UTP20: variants seen among roughly 807,000 people sequenced by gnomAD.
The protein encoded by UTP20 is UTP20 small subunit processome component, also known as small subunit processome component 20 homolog.
In UTP20, 164 loss-of-function variants were observed where a neutral mutation model predicts 329.5. The observed-to-expected ratio is 0.50, with a 90% CI of 0.44 to 0.57. UTP20 has a LOEUF of 0.57. Ranked by LOEUF, UTP20 falls within the 20% of genes least tolerant of loss-of-function variation. The pLI is 0.00. For synonymous variants in UTP20, 1,151 were observed against 1,159.3 expected (o/e 0.99, Z 0.14); for missense variants, 3,055 against 3,284.2 (o/e 0.93, Z 1.71).
At chr12:101,360,765 G>T (rs1329292184) in intron 43 of UTP20, among the ~76,000 whole-genome samples, 1 of 152,098 alleles carries the variant, frequency 6.6e-6, no homozygotes, top group African/African-American at 2.4e-5. Context: ...GGAGGCAGAG[G>T]TTGCAGTGAG....
intron 25 of UTP20, among the ~76,000 whole-genome samples, chr12:101,323,078 T>C (rs1265214077): frequency 6.6e-6 from 1 of 152,196 alleles, no homozygotes; most frequent in Non-Finnish European, 1.5e-5. Flanking sequence ...ATACAAGTTT[T>C]TGAAAGAAAA....
chr12:101,296,270 C>A (rs1395307778), intron 12 of UTP20, among the ~76,000 whole-genome samples: 3 of 152,116 alleles, frequency 2.0e-5, no homozygotes, highest in African/African-American at 2.4e-5. Flanking sequence ...CTCATGCTAC[C>A]TTTTAATAAC....
chr12:101,309,368 C>T (rs1365811214), intron 18 of UTP20, among the ~76,000 whole-genome samples: 2 of 152,200 alleles, frequency 1.3e-5, no homozygotes, highest in Non-Finnish European at 2.9e-5. Context: ...TGCAAAGCCT[C>T]AGTCATTCAC....
In UTP20 at chr12:101,320,843, T is replaced by C. The variant is rs1166160151; in HGVS notation, c.2830-9T>C. 6.2e-7 allele frequency: 1 copy of C among 1,604,142 alleles called. No individual in the cohort carries two copies. The highest frequency in any genetic ancestry group is 1.3e-5 in the African/African-American group (1 of 74,640). The stretch of plus-strand genomic sequence containing the variant: ...TGACTTCATTAATTCTGTAAAATAC[T>C]GTTCTTAGTTGTTGCTACACCAAGA... On this transcript the variant is annotated splice_polypyrimidine_tract_variant and intron_variant, in intron 23 of 61. Transcript: ENST00000261637.
In UTP20 at chr12:101,299,964, C is replaced by T. The variant is rs1379329272; in HGVS notation, c.1587-9C>T. The T allele has an allele frequency of 6.2e-7, 1 of 1,614,080 alleles. No homozygotes were observed. The highest frequency in any genetic ancestry group is 8.5e-7 in the Non-Finnish European group (1 of 1,179,942). On this transcript the variant is annotated splice_polypyrimidine_tract_variant and intron_variant, in intron 13 of 61. Coordinates refer to ENST00000261637, the MANE Select transcript of UTP20 (RefSeq NM_014503.3). ...TTTGAACTTTTCCCTTTTTCTCCCC[C>T]TTGGACAGACCTCTTGAGAAAGAGA...
chr12:101,297,752 G>C (rs188464587), intron 12 of UTP20, among the ~76,000 whole-genome samples: 2 of 152,314 alleles, frequency 1.3e-5, no homozygotes, highest in East Asian at 3.9e-4. Flanking sequence ...TCTGTGCAGG[G>C]AGAGTGAAGC....
At chr12:101,348,236 A>G (rs1190718771) in intron 38 of UTP20, among the ~76,000 whole-genome samples, 1 of 152,210 alleles carries the variant, frequency 6.6e-6, no homozygotes, top group Non-Finnish European at 1.5e-5. Context: ...ATCCAGTCCA[A>G]CAACCTTTTA....
At position 101,316,773 on chromosome 12, in the gene UTP20, AT is replaced by A. The variant is rs554095517; in HGVS notation, c.2553-704del. On this transcript the variant is annotated intron_variant, in intron 21 of 61. Coordinates refer to ENST00000261637, the MANE Select transcript of UTP20 (RefSeq NM_014503.3). The stretch of plus-strand genomic sequence containing the variant: ...GTTTGGGTGAGTGAATGAAAGTGAC[AT>A]AAACTAATGCATTAAATGACAGACT... Among the ~76,000 whole-genome samples the A allele has an allele frequency of 3.0e-3, 456 of 152,368 alleles. 6 individuals carry two copies. Among genetic ancestry groups the A allele is most frequent in the South Asian group, 0.016 (78 of 4,822 alleles).
At chr12:101,339,468 TACTAGA>T (rs1321075146) in intron 31 of UTP20, among the ~76,000 whole-genome samples, 1 of 152,212 alleles carries the variant, frequency 6.6e-6, no homozygotes, top group African/African-American at 2.4e-5. Context: ...CTGGATTACT[TACTAGA>T]AACCGTTCAT....
chr12:101,348,616 TG>T (rs1869409561), intron 38 of UTP20, among the ~76,000 whole-genome samples: 1 of 151,692 alleles, frequency 6.6e-6, no homozygotes, highest in African/African-American at 2.4e-5. Context: ...GTTATTGATC[TG>T]GTATCATTTT....
At chr12:101,354,662 C>T (rs1593445884) in intron 40 of UTP20, among the ~76,000 whole-genome samples, 170 bp from the exon 41 acceptor site, 2 of 152,230 alleles carry the variant, frequency 1.3e-5, no homozygotes. Context: ...AAAGCAAAAC[C>T]CATGGCCCTC....
chr12:101,332,701 T>C (rs1868799459), intron 27 of UTP20, among the ~76,000 whole-genome samples: 1 of 152,224 alleles, frequency 6.6e-6, no homozygotes, highest in Non-Finnish European at 1.5e-5. Flanking sequence ...GATCTTCCTA[T>C]CCCTTGACTC....
intron 60 of UTP20, 42 bp downstream of exon 60, chr12:101,383,711 G>A (rs10860719): frequency 0.31 from 437,323 of 1,433,242 alleles, 72,429 homozygotes; most frequent in Non-Finnish European, 0.34. Flanking sequence ...TGCACATGAG[G>A]ATTTCTAACT....
At chr12:101,304,661 G>A (rs1267561419) in intron 15 of UTP20, among the ~76,000 whole-genome samples, 1 of 152,162 alleles carries the variant, frequency 6.6e-6, no homozygotes, top group African/African-American at 2.4e-5. Context: ...CACTGTTACT[G>A]GCATCTAGTG....
intron 29 of UTP20, among the ~76,000 whole-genome samples, chr12:101,337,076 C>T (rs535342475): frequency 4.6e-5 from 7 of 152,338 alleles, no homozygotes; most frequent in African/African-American, 1.4e-4. Flanking sequence ...CACCACTGTG[C>T]GTTCTTTTGG....
chr12:101,323,327 G>A (rs1178804759), intron 25 of UTP20, among the ~76,000 whole-genome samples: 1 of 152,154 alleles, frequency 6.6e-6, no homozygotes, highest in African/African-American at 2.4e-5. Flanking sequence ...GATTAGAATA[G>A]ATTCTTGATA....
At position 101,299,664 on chromosome 12, in the gene UTP20, T is replaced by G. The variant is rs1456715897; in HGVS notation, c.1431-18T>G. On this transcript the variant is annotated intron_variant, in intron 12 of 61. Transcript: ENST00000261637. ...ATTACATTCTCTGTTATTTTAAACA[T>G]TTTTTTTAATCCTTCAGATTCTATA... The G allele has an allele frequency of 2.0e-6, 3 of 1,518,416 alleles. No individual in the cohort carries two copies. The highest frequency in any genetic ancestry group is 2.7e-6 in the Non-Finnish European group (3 of 1,131,136). The allele number at this position is 1,518,416 out of a possible 1,614,324, so 94.1% of individuals were successfully genotyped here. A position where few individuals can be genotyped will look rare whatever the true frequency, so the allele number is the denominator to read the frequency against.
chr12:101,293,749 A>G lies in UTP20; in HGVS notation c.1251+504A>G, dbSNP rs143076663. Among the ~76,000 whole-genome samples the G allele has an allele frequency of 1.0e-3, 157 of 152,140 alleles. 4 individuals carry two copies. The South Asian group carries it at 0.032, about 31-fold the overall frequency. On this transcript the variant is annotated intron_variant, in intron 11 of 61. Coordinates refer to ENST00000261637, the MANE Select transcript of UTP20 (RefSeq NM_014503.3). ...ATTCTTCCTTTTAGCCTTTAATACT[A>G]TATATTCTCATTTGCCTAAAAAGAA...
At chr12:101,340,718 A>C (rs1869094960) in intron 32 of UTP20, 108 bp downstream of exon 32, 1 of 700,050 alleles carries the variant, frequency 1.4e-6, no homozygotes, top group South Asian at 1.8e-5. Context: ...CATTTGTCGC[A>C]AGGAACTTAA....
Sources: allele counts gnomAD v4.1 joint callset (sites outside exome capture counted in the v4.1 genomes callset), GRCh38; gene constraint gnomAD v4.1.1; transcripts MANE v1.5; gene names NCBI Gene and HGNC (gene_info 2026-07-23, HGNC 2026-07-21).